TARS1: variants seen among roughly 807,000 people sequenced by gnomAD.
The protein encoded by TARS1 is threonine--tRNA ligase 1, cytoplasmic.
Under a neutral mutation model 97.7 loss-of-function variants are expected in TARS1, and 57 were observed. The observed-to-expected ratio is 0.58, with a 90% CI of 0.47 to 0.73. The LOEUF is 0.73. TARS1 is among the 30% of genes least tolerant of loss of function. The probability of loss-of-function intolerance (pLI) is 0.00; values close to 1 mark genes in which losing one functional copy is unlikely to be tolerated. For missense variants in TARS1, 806 were observed against 888.3 expected, an observed-to-expected ratio of 0.91 and a Z score of 1.18; for synonymous variants, 312 against 293.7, an observed-to-expected ratio of 1.06 and a Z score of -0.64.
intron 4 of TARS1, among the ~76,000 whole-genome samples, chr5:33,453,768 G>A (rs995348084): frequency 2.1e-4 from 32 of 150,318 alleles, no homozygotes; most frequent in African/African-American, 7.6e-4. Context: ...CACTCAGACT[G>A]TAGTGCAGTG....
chr5:33,440,898 G>T (rs1158099806), upstream of TARS1: 8 of 623,812 alleles, frequency 1.3e-5, no homozygotes, highest in Non-Finnish European at 2.0e-5. Flanking sequence ...GGGAGGGCCC[G>T]CCTTCCCCCG....
rs367687890 is a variant in TARS1 at position 33,444,261 on chromosome 5, A to C, written c.58-1063A>C. Among the ~76,000 whole-genome samples the C allele has an allele frequency of 2.6e-5, 4 of 152,356 alleles. No homozygotes were observed. In the East Asian group the frequency reaches 7.7e-4, roughly 29 times the overall value. Reference sequence around the variant, plus strand: ...GTTGCCAGGGTCTGGAGATGAAGGCAACAGGGAGTAAACTGCTAATGGGTA... The same window carrying C: ...GTTGCCAGGGTCTGGAGATGAAGGCCACAGGGAGTAAACTGCTAATGGGTA... On this transcript the variant is annotated intron_variant, in intron 1 of 18. Transcript: ENST00000265112.
intron 11 of TARS1, among the ~76,000 whole-genome samples, chr5:33,460,487 T>A (rs948145225): frequency 6.6e-6 from 1 of 152,200 alleles, no homozygotes; most frequent in African/African-American, 2.4e-5. Flanking sequence ...TCTTTGAAAG[T>A]TGGGTGAAGA....
chr5:33,464,603 C>T (rs149101495), intron 17 of TARS1, among the ~76,000 whole-genome samples: 1 of 152,230 alleles, frequency 6.6e-6, no homozygotes, highest in Admixed American at 6.5e-5. Context: ...AAACCACACT[C>T]AGTTCTTAAT....
chr5:33,462,765 C>T (rs1447881908), intron 16 of TARS1, among the ~76,000 whole-genome samples: 1 of 152,144 alleles, frequency 6.6e-6, no homozygotes, highest in Admixed American at 6.5e-5. Context: ...TTTTTCTGGA[C>T]CCACAGTGCA....
intron 3 of TARS1, among the ~76,000 whole-genome samples, chr5:33,451,042 A>T (rs1741707135): frequency 6.6e-6 from 1 of 152,152 alleles, no homozygotes; most frequent in Non-Finnish European, 1.5e-5. Flanking sequence ...TGAACTCGGG[A>T]GGTGGAGGTT....
At position 33,462,184 on chromosome 5, in the gene TARS1, G is replaced by A. The variant is rs1742326303; in HGVS notation, c.1816G>A (p.Glu606Lys). The change falls in exon 16 of 19, where the codon GAA (glutamate) becomes AAA (lysine). Residue 606 changes from glutamate to lysine, a missense_variant. Glu to Lys is a moderately conservative substitution (Grantham distance 56, BLOSUM62 1). Transcript: ENST00000265112. ...GGAAAGAATGATTGCTATCCTCACA[G>A]AAAACTATGGGGGCAAATGGTAATT... Reference protein sequence around the residue: ...SVERMIAILTENYGGKWPFWL... With the variant: ...SVERMIAILTKNYGGKWPFWL... 1 of 1,612,250 alleles carries A rather than the reference G, an allele frequency of 6.2e-7. No homozygotes were observed. The highest frequency in any genetic ancestry group is 1.3e-5 in the African/African-American group (1 of 74,850).
chr5:33,443,746 C>G (rs1028481885), intron 1 of TARS1, among the ~76,000 whole-genome samples: 1 of 152,110 alleles, frequency 6.6e-6, no homozygotes, highest in African/African-American at 2.4e-5. Context: ...CTGCCCGCCT[C>G]GGCCTCCCAA....
At chr5:33,450,619 T>C (rs1261903800) in intron 3 of TARS1, among the ~76,000 whole-genome samples, 1 of 152,226 alleles carries the variant, frequency 6.6e-6, no homozygotes, top group African/African-American at 2.4e-5. Context: ...CAACCTTTCA[T>C]TTTAGAGATA....
chr5:33,449,278 C>A (rs925897587), intron 3 of TARS1, among the ~76,000 whole-genome samples: 2 of 149,752 alleles, frequency 1.3e-5, no homozygotes, highest in East Asian at 3.9e-4. Context: ...AATAATTGGT[C>A]AGTTTATCAA....
intron 3 of TARS1, 45 bp downstream of exon 3, chr5:33,448,776 C>T (rs761937809): frequency 2.2e-6 from 3 of 1,372,564 alleles, no homozygotes; most frequent in Non-Finnish European, 2.9e-6. Context: ...TGTGGTCTAA[C>T]TAAACTTCCT....
At chr5:33,449,918 A>G (rs1196783592) in intron 3 of TARS1, among the ~76,000 whole-genome samples, 3 of 151,638 alleles carry the variant, frequency 2.0e-5, no homozygotes, top group African/African-American at 4.8e-5. Flanking sequence ...ATATGTGAAT[A>G]TGTATGTATT....
chr5:33,461,533 T>G, intron 13 of TARS1, 134 bp from the exon 14 acceptor site: 1 of 1,020,774 alleles, frequency 9.8e-7, no homozygotes, highest in Admixed American at 2.7e-5. Context: ...TATGAGCATA[T>G]GTTCAGGTGG....
At chr5:33,455,761 T>G in intron 6 of TARS1, 57 bp downstream of exon 6, 1 of 1,247,530 alleles carries the variant, frequency 8.0e-7, no homozygotes, top group South Asian at 1.3e-5. Context: ...TCATGTTAGT[T>G]GAAGTGACAC....
intron 1 of TARS1, among the ~76,000 whole-genome samples, chr5:33,442,793 C>T (rs1463374867): frequency 3.3e-5 from 5 of 152,172 alleles, no homozygotes; most frequent in East Asian, 1.9e-4. Context: ...CGTGATCCAC[C>T]GCGCCCGGCC....
intron 16 of TARS1, among the ~76,000 whole-genome samples, chr5:33,463,310 A>G (rs1286534488): frequency 1.3e-5 from 2 of 152,190 alleles, no homozygotes; most frequent in East Asian, 1.9e-4. Context: ...ATCAATTACA[A>G]TTTGCTGAAT....
chr5:33,458,701 G>T, intron 10 of TARS1, 37 bp downstream of exon 10: 1 of 1,487,362 alleles, frequency 6.7e-7, no homozygotes, highest in South Asian at 1.2e-5. Flanking sequence ...TTAGATTTAG[G>T]ATATGTGATC....
chr5:33,461,097 G>C, intron 12 of TARS1, 33 bp downstream of exon 12: 3 of 1,606,616 alleles, frequency 1.9e-6, no homozygotes, highest in Non-Finnish European at 2.6e-6. Flanking sequence ...TACTTAGAAA[G>C]AAGAGTCAAG....
intron 17 of TARS1, among the ~76,000 whole-genome samples, chr5:33,464,506 C>G (rs1742442374): frequency 6.6e-6 from 1 of 152,164 alleles, no homozygotes; most frequent in African/African-American, 2.4e-5. Context: ...AGTGAAAATT[C>G]CATACTAAGG....
Sources: gnomAD v4.1 joint callset for allele counts (sites outside exome capture counted in the v4.1 genomes callset) on GRCh38, gnomAD v4.1.1 for gene constraint, MANE v1.5 for transcripts, NCBI Gene and HGNC (gene_info 2026-07-23, HGNC 2026-07-21) for gene names.